CCDC15: variants seen among roughly 807,000 people sequenced by gnomAD.
CCDC15 encodes coiled-coil domain containing 15, also known as coiled-coil domain-containing protein 15.
In CCDC15, 105 loss-of-function variants were observed where a neutral mutation model predicts 114.5. The ratio of observed to expected loss-of-function variants is 0.92; its 90% CI spans 0.78 to 1.08. The LOEUF (loss-of-function observed/expected upper bound fraction) is 1.08. CCDC15 is among the 50% of genes least tolerant of loss of function. The pLI is 0.00. For synonymous variants in CCDC15, 334 were observed against 377.8 expected, an observed-to-expected ratio of 0.88 and a Z score of 1.34; for missense variants, 1,105 against 1,093.6, an observed-to-expected ratio of 1.01 and a Z score of -0.15.
chr11:125,040,902 CTCTTCTG>C lies in CCDC15; in HGVS notation c.*196_*202del. The C allele has an allele frequency of 1.7e-6, 1 of 597,174 alleles. No homozygotes were observed. The highest frequency in any genetic ancestry group is 2.9e-6 in the Non-Finnish European group (1 of 345,466). 37.0% of individuals were successfully genotyped at this position (597,174 alleles called of 1,614,324 possible). ...CAAGATTGAAAGCTGACTTACTTCT[CTCTTCTG>C]TCTTGTGAACCATACGGAGCCTATT... On this transcript the variant is annotated 3_prime_UTR_variant, in exon 16 of 16. Coordinates refer to ENST00000344762, the MANE Select transcript of CCDC15 (RefSeq NM_025004.3).
At chr11:125,023,793 TG>T (rs753637229) in intron 13 of CCDC15, among the ~76,000 whole-genome samples, 2 of 151,940 alleles carry the variant, frequency 1.3e-5, no homozygotes, top group Non-Finnish European at 2.9e-5. Flanking sequence ...TACAAAGGAA[TG>T]CGGGCAATAA....
chr11:125,038,366 TA>T, intron 13 of CCDC15, 64 bp from the exon 14 acceptor site: 1 of 1,079,942 alleles, frequency 9.3e-7, no homozygotes, highest in Non-Finnish European at 1.3e-6. Flanking sequence ...GTTATTTGGA[TA>T]AAGAAGCTAA....
chr11:124,977,521 G>A lies in CCDC15; in HGVS notation c.674G>A (p.Gly225Glu). 6.2e-7 allele frequency: 1 copy of A among 1,604,942 alleles called. No homozygotes were observed. Among genetic ancestry groups the A allele is most frequent in the South Asian group, 1.1e-5 (1 of 89,450 alleles). ...RKPASTGINT[G>E]IRGELPIKVH... ...CCAGCATCCACTGGGATAAATACAG[G>A]AATAAGAGGAGAGTTGCCCATTAAG... is the stretch of plus-strand genomic sequence containing the variant. Residue 225 changes from glycine (G) to glutamate (E), a missense_variant, in exon 6 of 16, where the codon GGA becomes GAA. Coordinates refer to ENST00000344762, the MANE Select transcript of CCDC15 (RefSeq NM_025004.3).
intron 6 of CCDC15, 31 bp from the exon 7 acceptor site, chr11:124,986,711 G>C: frequency 6.9e-7 from 1 of 1,456,792 alleles, no homozygotes; most frequent in Non-Finnish European, 9.2e-7. Flanking sequence ...GCGCGCGCGC[G>C]CGTGCGCGTT....
At position 125,011,239 on chromosome 11, in the gene CCDC15, A is replaced by ATTTTTTTTT. The variant is rs1398467750; in HGVS notation, c.2411+6029_2411+6030insTTTTTTTTT. Among the ~76,000 whole-genome samples, 939 of 135,048 alleles carry ATTTTTTTTT rather than the reference A, an allele frequency of 7.0e-3. 14 individuals are homozygous for ATTTTTTTTT. The highest frequency in any genetic ancestry group is 0.024 in the African/African-American group (828 of 34,474). The allele number at this position is 135,048 out of a possible 152,430, so 88.6% of individuals were successfully genotyped here. A position where few individuals can be genotyped will look rare whatever the true frequency, so the allele number is the denominator to read the frequency against. On this transcript the variant is annotated intron_variant, in intron 13 of 15. Coordinates refer to ENST00000344762, the MANE Select transcript of CCDC15 (RefSeq NM_025004.3). Reference sequence around the variant, plus strand: ...TAGAAGTATTATTATTATTATTATTATTATTATTATTTTTTAAGATGGAGT... The same window carrying ATTTTTTTTT: ...TAGAAGTATTATTATTATTATTATTATTTTTTTTTTTATTATTATTTTTTAAGATGGAGT...
chr11:125,023,743 C>T (rs1358677020), intron 13 of CCDC15, among the ~76,000 whole-genome samples: 3 of 151,858 alleles, frequency 2.0e-5, no homozygotes, highest in Admixed American at 2.0e-4. Context: ...CCCAAATGTC[C>T]AATAGCTGAT....
chr11:124,975,209 G>T lies in CCDC15; in HGVS notation c.630G>T (p.Glu210Asp). The T allele has an allele frequency of 6.5e-7, 1 of 1,534,038 alleles. No homozygotes were observed. Among genetic ancestry groups the T allele is most frequent in the Non-Finnish European group, 8.8e-7 (1 of 1,136,098 alleles). ...GAAGGAAAAGCTTTCTTACCAGAGA[G>T]GTAAATTAATTTCTAATACATGATT... Reference protein sequence around the residue: ...DDGRKSFLTREEVLSRKPAST... With the variant: ...DDGRKSFLTRDEVLSRKPAST... The change falls in exon 5 of 16, where the codon GAG becomes GAT. Residue 210 changes from glutamate (E) to aspartate (D), a missense_variant and splice_region_variant. Physicochemically the swap from Glu to Asp is conservative, Grantham distance 45 (BLOSUM62 2). Coordinates refer to ENST00000344762, the MANE Select transcript of CCDC15 (RefSeq NM_025004.3).
chr11:124,977,447 C>G, intron 5 of CCDC15, 31 bp from the exon 6 acceptor site: 1 of 1,545,326 alleles, frequency 6.5e-7, no homozygotes, highest in Non-Finnish European at 8.7e-7. Context: ...TCCTCTAGAC[C>G]TATTTATATT....
chr11:125,009,769 T>C (rs1005734970), intron 13 of CCDC15, among the ~76,000 whole-genome samples: 3 of 152,142 alleles, frequency 2.0e-5, no homozygotes, highest in Admixed American at 6.6e-5. Context: ...GTTTTCTGTT[T>C]CTGTGTTAAT....
At chr11:124,963,554 A>C (rs1379313665) in intron 4 of CCDC15, among the ~76,000 whole-genome samples, 1 of 152,196 alleles carries the variant, frequency 6.6e-6, no homozygotes, top group Non-Finnish European at 1.5e-5. Context: ...CCTTTGTCAA[A>C]TGTGTAGATT....
intron 4 of CCDC15, among the ~76,000 whole-genome samples, chr11:124,974,384 G>T (rs1947937914): frequency 6.6e-6 from 1 of 152,132 alleles, no homozygotes; most frequent in South Asian, 2.1e-4. Context: ...CTCTGAAAAA[G>T]AAATCAAAAT....
At chr11:125,002,205 T>C (rs916181231) in intron 11 of CCDC15, among the ~76,000 whole-genome samples, 3 of 152,196 alleles carry the variant, frequency 2.0e-5, no homozygotes, top group Admixed American at 6.5e-5. Context: ...TATATCTTGT[T>C]TGGAGAACTG....
intron 13 of CCDC15, among the ~76,000 whole-genome samples, chr11:125,031,881 A>G (rs1462734360): frequency 6.6e-6 from 1 of 152,126 alleles, no homozygotes; most frequent in African/African-American, 2.4e-5. Flanking sequence ...GGGGTAACAC[A>G]CCTAAATGAG....
At chr11:124,986,691 T>TGTGTGCG in intron 6 of CCDC15, 51 bp from the exon 7 acceptor site, 1 of 1,221,882 alleles carries the variant, frequency 8.2e-7, no homozygotes, top group South Asian at 1.7e-5. Context: ...GTGTGTGTGT[T>TGTGTGCG]TGTGTGTGTG....
intron 13 of CCDC15, among the ~76,000 whole-genome samples, chr11:125,008,957 G>A (rs1225328850): frequency 3.3e-5 from 5 of 152,100 alleles, no homozygotes; most frequent in African/African-American, 7.2e-5. Flanking sequence ...GGTGGCTCAC[G>A]CCTGTAATCC....
At chr11:124,971,723 A>G (rs1466499023) in intron 4 of CCDC15, among the ~76,000 whole-genome samples, 1 of 152,156 alleles carries the variant, frequency 6.6e-6, no homozygotes, top group Non-Finnish European at 1.5e-5. Context: ...ATGCATTGTT[A>G]TTAAAAAAGA....
intron 11 of CCDC15, among the ~76,000 whole-genome samples, chr11:124,998,414 C>T (rs541372839): frequency 7.9e-5 from 12 of 152,274 alleles, no homozygotes; most frequent in Middle Eastern, 3.4e-3. Context: ...ATTGTGGCTT[C>T]AAGCAGAAGT....
At chr11:125,006,154 G>A (rs562651165) in intron 13 of CCDC15, among the ~76,000 whole-genome samples, 39 of 152,300 alleles carry the variant, frequency 2.6e-4, no homozygotes, top group African/African-American at 8.7e-4. Context: ...GTCTTCCAAA[G>A]TGGCTATACC....
rs778631634 is a variant in CCDC15 at position 125,039,003 on chromosome 11, C to T, written c.2668C>T (p.Pro890Ser). Residue 890 changes from proline (P) to serine (S), a missense_variant, in exon 15 of 16, where the codon CCT becomes TCT. By Grantham distance (74) the Pro-to-Ser change is moderately conservative. Transcript: ENST00000344762. ...TTTACCTCCACTATGCTGTTGTGGT[C>T]CTGATTTTTGGGATGCTCATCCTGA... ...ITLPPLCCCG[P>S]DFWDAHPDTC... is the part of the protein sequence containing the mutation. 6.2e-7 allele frequency: 1 copy of T among 1,611,768 alleles called. No homozygotes were observed. The highest frequency in any genetic ancestry group is 1.1e-5 in the South Asian group (1 of 90,718).
Sources: gnomAD v4.1 joint callset for allele counts (sites outside exome capture counted in the v4.1 genomes callset) on GRCh38, gnomAD v4.1.1 for gene constraint, MANE v1.5 for transcripts, NCBI Gene and HGNC (gene_info 2026-07-23, HGNC 2026-07-21) for gene names.